The following RBFOX1 variants were observed in gnomAD, a reference collection of about 807,000 sequenced individuals.
The protein encoded by RBFOX1 is RNA binding fox-1 homolog 1, also known as RNA binding protein fox-1 homolog 1.
In RBFOX1, 8 loss-of-function variants were observed where a neutral mutation model predicts 57.7. The observed-to-expected ratio is 0.14, with a 90% confidence interval of 0.08 to 0.25. RBFOX1 has a LOEUF of 0.25. Ranked by LOEUF, RBFOX1 falls within the 10% of genes least tolerant of loss-of-function variation. RBFOX1 has a pLI of 1.00. For synonymous variants in RBFOX1, 326 were observed against 222.4 expected, an observed-to-expected ratio of 1.47 and a Z score of -4.15; for missense variants, 611 against 548.5, an observed-to-expected ratio of 1.11 and a Z score of -1.14.
intron 4 of RBFOX1, among the ~76,000 whole-genome samples, chr16:5,994,466 G>C (rs1428023098): frequency 6.6e-6 from 1 of 152,090 alleles, no homozygotes; most frequent in Non-Finnish European, 1.5e-5. Flanking sequence ...CTGGGCATTA[G>C]GTCTTGAGCA....
At chr16:5,839,318 G>A (rs2061945754) in intron 3 of RBFOX1, among the ~76,000 whole-genome samples, 1 of 152,138 alleles carries the variant, frequency 6.6e-6, no homozygotes, top group Non-Finnish European at 1.5e-5. Flanking sequence ...ATTTCTGTTA[G>A]TCTCTAACTG....
At chr16:7,536,466 C>T (rs1004023792) in intron 5 of RBFOX1, among the ~76,000 whole-genome samples, 1 of 152,138 alleles carries the variant, frequency 6.6e-6, no homozygotes, top group Non-Finnish European at 1.5e-5. Flanking sequence ...TGGTGCTGCA[C>T]ACCTGTAATC....
chr16:7,099,548 G>C (rs1053793028), intron 4 of RBFOX1, among the ~76,000 whole-genome samples: 5 of 152,112 alleles, frequency 3.3e-5, no homozygotes, highest in Admixed American at 1.3e-4. Flanking sequence ...AGTCAACTTA[G>C]AAAGGTTATT....
intron 3 of RBFOX1, among the ~76,000 whole-genome samples, chr16:6,953,207 C>G (rs976021442): frequency 6.6e-6 from 1 of 152,038 alleles, no homozygotes; most frequent in Non-Finnish European, 1.5e-5. Context: ...GGGTATGTGT[C>G]CGGTGCTCTC....
intron 3 of RBFOX1, among the ~76,000 whole-genome samples, chr16:6,859,991 C>T (rs868568931): frequency 1.1e-4 from 17 of 152,112 alleles, no homozygotes; most frequent in Non-Finnish European, 2.4e-4. Flanking sequence ...TTGGTTTTTG[C>T]TCATTGACTG....
At chr16:5,674,763 C>T (rs756912240) in intron 3 of RBFOX1, among the ~76,000 whole-genome samples, 26 of 152,152 alleles carry the variant, frequency 1.7e-4, no homozygotes, top group Non-Finnish European at 2.9e-4. Context: ...TTCAGATGAG[C>T]CACTTTTCCT....
intron 3 of RBFOX1, among the ~76,000 whole-genome samples, chr16:7,041,881 C>T (rs1597803516): frequency 1.3e-5 from 2 of 151,938 alleles, no homozygotes; most frequent in South Asian, 4.2e-4. Context: ...AGATTATGCT[C>T]ACAATAAAAT....
intron 3 of RBFOX1, among the ~76,000 whole-genome samples, chr16:6,840,607 G>C (rs959672388): frequency 2.0e-5 from 3 of 152,064 alleles, no homozygotes; most frequent in African/African-American, 7.2e-5. Context: ...AAAGGCTTGA[G>C]TCTGGTCACA....
chr16:7,476,424 C>G (rs1043880928), intron 4 of RBFOX1, among the ~76,000 whole-genome samples: 1 of 152,156 alleles, frequency 6.6e-6, no homozygotes, highest in African/African-American at 2.4e-5. Context: ...TGAAAAATGC[C>G]TGACACGTAA....
At chr16:5,511,213 G>A (rs2043577298) in intron 2 of RBFOX1, among the ~76,000 whole-genome samples, 1 of 152,214 alleles carries the variant, frequency 6.6e-6, no homozygotes, top group Non-Finnish European at 1.5e-5. Context: ...AAGCAGCAGT[G>A]GCAGCATTTT....
intron 1 of RBFOX1, among the ~76,000 whole-genome samples, chr16:5,291,972 C>G (rs1244888155): frequency 1.3e-5 from 2 of 151,322 alleles, no homozygotes; most frequent in Non-Finnish European, 2.9e-5. Flanking sequence ...GATGTCTAGA[C>G]TTTCAAAGGC....
intron 3 of RBFOX1, among the ~76,000 whole-genome samples, chr16:6,845,411 T>C (rs1347354640): frequency 2.0e-5 from 3 of 152,246 alleles, no homozygotes; most frequent in South Asian, 4.2e-4. Context: ...CAGACAGTTG[T>C]CCCAGCACCA....
chr16:6,076,541 C>A (rs908077566), intron 1 of RBFOX1, among the ~76,000 whole-genome samples: 8 of 152,070 alleles, frequency 5.3e-5, no homozygotes, highest in Non-Finnish European at 8.8e-5. Context: ...GATCATAGCT[C>A]ACTGCAGCCT....
At chr16:6,628,889 G>A (rs1410018630) in intron 2 of RBFOX1, among the ~76,000 whole-genome samples, 1 of 152,114 alleles carries the variant, frequency 6.6e-6, no homozygotes, top group Non-Finnish European at 1.5e-5. Flanking sequence ...AATTAGCCAG[G>A]TGTGGTGGCA....
At chr16:5,655,441 C>G (rs1293385498) in intron 3 of RBFOX1, among the ~76,000 whole-genome samples, 1 of 152,192 alleles carries the variant, frequency 6.6e-6, no homozygotes, top group Non-Finnish European at 1.5e-5. Flanking sequence ...ATGAGCATAT[C>G]TGGCAGGAAA....
chr16:6,503,788 G>T (rs895444908), intron 2 of RBFOX1, among the ~76,000 whole-genome samples: 1 of 152,148 alleles, frequency 6.6e-6, no homozygotes, highest in East Asian at 1.9e-4. Flanking sequence ...GATGGAGGAA[G>T]CTTCACACTC....
chr16:7,166,270 T>G (rs79113509), intron 4 of RBFOX1, among the ~76,000 whole-genome samples: 34,938 of 151,842 alleles, frequency 0.23, 4,972 homozygotes, highest in East Asian at 0.54. Context: ...CTTGTCGGAC[T>G]TCCCAAGTGC....
chr16:6,795,620 G>A (rs2083827163), intron 3 of RBFOX1, among the ~76,000 whole-genome samples: 1 of 151,946 alleles, frequency 6.6e-6, no homozygotes. Flanking sequence ...ACAAAAATTA[G>A]CCTGGCATGG....
chr16:5,647,650 A>G (rs2151350544), intron 3 of RBFOX1, among the ~76,000 whole-genome samples: 1 of 152,330 alleles, frequency 6.6e-6, no homozygotes, highest in African/African-American at 2.4e-5. Context: ...TCAGTAAGTC[A>G]GTACCTTCTC....
Sources: allele counts gnomAD v4.1 joint callset (sites outside exome capture counted in the v4.1 genomes callset), GRCh38; gene constraint gnomAD v4.1.1; transcripts MANE v1.5; gene names NCBI Gene and HGNC (gene_info 2026-07-23, HGNC 2026-07-21).